The following AURKA variants were observed in gnomAD, a reference collection of about 807,000 sequenced individuals.
The protein encoded by AURKA is aurora kinase A.
A neutral mutation model predicts 40.9 loss-of-function variants in AURKA; 12 were observed. The ratio of observed to expected loss-of-function variants is 0.29; its 90% confidence interval spans 0.19 to 0.48. The LOEUF is 0.48. Ranked by LOEUF, AURKA falls within the 20% of genes least tolerant of loss-of-function variation. AURKA has a pLI of 0.99. For missense variants in AURKA, 322 were observed against 462.1 expected (o/e 0.70, Z 2.78); for synonymous variants, 170 against 164.3 (o/e 1.03, Z -0.26).
intron 6 of AURKA, among the ~76,000 whole-genome samples, chr20:56,380,973 A>G (rs1201286450): frequency 6.6e-6 from 1 of 152,180 alleles, no homozygotes; most frequent in Admixed American, 6.5e-5. Context: ...TACTGCCTTC[A>G]CAATTTCTGT....
intron 5 of AURKA, 70 bp downstream of exon 5, chr20:56,382,915 C>G: frequency 6.4e-7 from 1 of 1,562,998 alleles, no homozygotes; most frequent in Non-Finnish European, 8.8e-7. Flanking sequence ...CAGTGGGAGG[C>G]TGACATTACA....
rs1202687188 is a variant in AURKA, at chr20:56,373,463, C to A, written c.799G>T (p.Ala267Ser). Residue 267 changes from alanine (A) to serine (S), a missense_variant, in exon 7 of 9, where the codon GCT (alanine) becomes TCT (serine). By Grantham distance (99) the Ala-to-Ser change is moderately conservative (BLOSUM62 1). Coordinates refer to ENST00000395915, the MANE Select transcript of AURKA (RefSeq NM_198437.3). The surrounding 1 kb of genome is among the most constrained non-coding windows in gnomAD (Gnocchi z 5.0). ...AAATCTGCAATTTTAAGCTCTCCAGCTGATCCAAGAAGTAAGTTCTCTGGC... is the reference window on the plus strand; with the variant it reads ...AAATCTGCAATTTTAAGCTCTCCAGATGATCCAAGAAGTAAGTTCTCTGGC... The part of the protein sequence containing the change: ...IKPENLLLGS[A>S]GELKIADFGW... 3 of 1,614,206 alleles carry A rather than the reference C, an allele frequency of 1.9e-6. No individual in the cohort carries two copies. In the African/African-American group the frequency reaches 4.0e-5, roughly 22 times the overall value.
intron 5 of AURKA, among the ~76,000 whole-genome samples, chr20:56,381,779 T>C (rs527990125): frequency 3.9e-5 from 6 of 152,338 alleles, no homozygotes; most frequent in East Asian, 1.9e-4. Context: ...ACAGTATTAA[T>C]GGACCTCTGG....
intron 2 of AURKA, among the ~76,000 whole-genome samples, chr20:56,387,160 A>G (rs1193306730): frequency 6.6e-6 from 1 of 152,068 alleles, no homozygotes; most frequent in Admixed American, 6.6e-5. Context: ...ATGTATTATT[A>G]TTATTATTTT....
chr20:56,381,094 C>T (rs1211148484), intron 6 of AURKA, among the ~76,000 whole-genome samples: 1 of 151,856 alleles, frequency 6.6e-6, no homozygotes, highest in African/African-American at 2.4e-5. Context: ...ATAACAAGAC[C>T]CTGTCCCTTT....
chr20:56,374,034 C>T (rs1984612373), intron 6 of AURKA, among the ~76,000 whole-genome samples: 1 of 152,094 alleles, frequency 6.6e-6, no homozygotes, highest in African/African-American at 2.4e-5. Flanking sequence ...CACACACACA[C>T]ACACACACAC....
At chr20:56,380,485 A>T in intron 6 of AURKA, among the ~76,000 whole-genome samples, 1 of 152,302 alleles carries the variant, frequency 6.6e-6, no homozygotes, top group South Asian at 2.1e-4. Context: ...CTACATCTTT[A>T]AATAAATAAA....
chr20:56,382,300 C>T (rs1012448139), intron 5 of AURKA, among the ~76,000 whole-genome samples: 3 of 152,168 alleles, frequency 2.0e-5, no homozygotes, highest in Non-Finnish European at 2.9e-5. Flanking sequence ...CAGACTGTGG[C>T]CAGCGGGAAG....
intron 7 of AURKA, among the ~76,000 whole-genome samples, chr20:56,370,980 T>C (rs1984090318): frequency 6.6e-6 from 1 of 152,234 alleles, no homozygotes; most frequent in Admixed American, 6.5e-5. Flanking sequence ...ATTTGGATTC[T>C]ACATCTGCAT....
intron 7 of AURKA, among the ~76,000 whole-genome samples, chr20:56,372,533 T>TAAAA (rs10716404): frequency 2.5e-5 from 3 of 121,648 alleles, no homozygotes; most frequent in African/African-American, 3.0e-5. Flanking sequence ...ACAACCAGTT[T>TAAAA]AAAAAAAAAA....
In AURKA at chr20:56,370,652, T is replaced by C. The variant is rs1173273550; in HGVS notation, c.862A>G (p.Thr288Ala). Residue 288 changes from threonine to alanine, a missense_variant, in exon 8 of 9, where the codon ACT (threonine) becomes GCT (alanine). Thr to Ala is a moderately conservative substitution (Grantham distance 58). Coordinates refer to ENST00000395915, the MANE Select transcript of AURKA (RefSeq NM_198437.3). The stretch of plus-strand genomic sequence containing the variant: ...AGGTAGTCCAGGGTGCCACAGAGAG[T>C]GGTCCTCCTGAAAACGGAGGGAGGC... ...SVHAPSSRRT[T>A]LCGTLDYLPP... 1.2e-6 allele frequency: 2 copies of C among 1,613,964 alleles called. No individual in the cohort carries two copies. Among genetic ancestry groups the C allele is most frequent in the Non-Finnish European group, 1.7e-6 (2 of 1,180,000 alleles).
chr20:56,386,636 A>C, intron 2 of AURKA, 103 bp from the exon 3 acceptor site: 1 of 1,283,048 alleles, frequency 7.8e-7, no homozygotes, highest in Non-Finnish European at 1.1e-6. Context: ...AAAATAATGA[A>C]TGTCACTGAT....
At chr20:56,379,481 G>A (rs1985403931) in intron 6 of AURKA, among the ~76,000 whole-genome samples, 1 of 152,174 alleles carries the variant, frequency 6.6e-6, no homozygotes, top group Non-Finnish European at 1.5e-5. Flanking sequence ...ATATTCCCTT[G>A]CTGTGTCAGC....
chr20:56,381,323 G>T, intron 6 of AURKA, 110 bp downstream of exon 6: 1 of 1,329,992 alleles, frequency 7.5e-7, no homozygotes, highest in Non-Finnish European at 1.1e-6. Context: ...TTGATATTAA[G>T]CTATCCTTAC....
In AURKA at chr20:56,390,309, C is replaced by CTT. The variant is rs112721980; in HGVS notation, c.-6+1857_-6+1858dup. 5.6e-3 allele frequency among the ~76,000 whole-genome samples: 788 copies of CTT among 140,264 alleles called. 11 individuals carry two copies. The highest frequency in any genetic ancestry group is 0.019 in the African/African-American group (724 of 38,168). 92.0% of individuals were successfully genotyped at this position (140,264 alleles called of 152,430 possible). A position where few individuals can be genotyped will look rare whatever the true frequency, so the allele number is the denominator to read the frequency against. On this transcript the variant is annotated intron_variant, in intron 1 of 8. Coordinates refer to ENST00000395915, the MANE Select transcript of AURKA (RefSeq NM_198437.3). ...TCAGTCTTTCATTTCACTGAGGTTT[C>CTT]TTTTTTTTTTTTTTTGAGATAGAGT...
intron 5 of AURKA, 149 bp downstream of exon 5, chr20:56,382,836 G>T (rs189091638): frequency 7.9e-6 from 6 of 763,052 alleles, no homozygotes; most frequent in African/African-American, 3.5e-5. Flanking sequence ...TCATAGGGGA[G>T]GGGGAGGTGA....
intron 3 of AURKA, among the ~76,000 whole-genome samples, 184 bp from the exon 4 acceptor site, chr20:56,384,508 T>C (rs1487628994): frequency 6.6e-6 from 1 of 152,088 alleles, no homozygotes; most frequent in East Asian, 1.9e-4. Context: ...CTGACTTCCA[T>C]CATGTGAAGC....
intron 6 of AURKA, among the ~76,000 whole-genome samples, chr20:56,378,865 C>T (rs1239397227): frequency 6.6e-6 from 1 of 151,994 alleles, no homozygotes; most frequent in African/African-American, 2.4e-5. Flanking sequence ...TCAGTGGTTG[C>T]CAGAGATGGA....
chr20:56,383,223 T>C (rs1985952056), intron 4 of AURKA, 47 bp from the exon 5 acceptor site: 2 of 1,599,816 alleles, frequency 1.3e-6, no homozygotes, highest in Non-Finnish European at 8.6e-7. Context: ...ACAAAGCTTT[T>C]CTAACAAATT....
Sources: gnomAD v4.1 joint callset for allele counts (sites outside exome capture counted in the v4.1 genomes callset) on GRCh38, gnomAD v4.1.1 for gene constraint, Gnocchi (gnomAD v3.1) non-coding constraint, MANE v1.5 for transcripts, NCBI Gene and HGNC (gene_info 2026-07-23, HGNC 2026-07-21) for gene names.